Variants in TRAPPC9 observed in about 807,000 individuals in gnomAD.
TRAPPC9 encodes the protein IKK2 binding protein.
A neutral mutation model predicts 124.0 loss-of-function variants in TRAPPC9; 83 were observed. The ratio of observed to expected loss-of-function variants is 0.67; its 90% CI spans 0.56 to 0.80. The LOEUF is 0.80. Ranked by LOEUF, TRAPPC9 falls within the 30% of genes least tolerant of loss-of-function variation. The pLI, the probability that TRAPPC9 is intolerant of heterozygous loss-of-function variation, is 0.00. For synonymous variants in TRAPPC9, 638 were observed against 617.5 expected, an observed-to-expected ratio of 1.03 and a Z score of -0.49; for missense variants, 1,302 against 1,508.3, an observed-to-expected ratio of 0.86 and a Z score of 2.27.
At chr8:140,258,733 G>C (rs1451484623) in intron 15 of TRAPPC9, among the ~76,000 whole-genome samples, 1 of 152,234 alleles carries the variant, frequency 6.6e-6, no homozygotes, top group Admixed American at 6.5e-5. Flanking sequence ...GGATAGAATG[G>C]GATAAGAGAG....
chr8:140,324,945 G>C (rs2066698832), intron 9 of TRAPPC9, among the ~76,000 whole-genome samples: 2 of 151,704 alleles, frequency 1.3e-5, no homozygotes, highest in South Asian at 4.2e-4. Flanking sequence ...CACCAAGACA[G>C]ACCAAATGCC....
intron 17 of TRAPPC9, among the ~76,000 whole-genome samples, chr8:140,149,897 G>A (rs1208825099): frequency 2.6e-5 from 4 of 152,178 alleles, no homozygotes; most frequent in African/African-American, 7.2e-5. Flanking sequence ...ATGCATGTAC[G>A]TATGTCTAGG....
At chr8:140,248,165 T>C (rs1417038596) in intron 16 of TRAPPC9, among the ~76,000 whole-genome samples, 1 of 152,216 alleles carries the variant, frequency 6.6e-6, no homozygotes, top group Non-Finnish European at 1.5e-5. Context: ...CTACACACTG[T>C]ATTCTGTGTT....
intron 19 of TRAPPC9, among the ~76,000 whole-genome samples, chr8:139,986,768 T>G (rs1837261679): frequency 6.6e-6 from 1 of 152,204 alleles, no homozygotes; most frequent in Non-Finnish European, 1.5e-5. Flanking sequence ...TTGCCGAGTT[T>G]TGACGAATAG....
chr8:140,315,233 C>CTTTTT (rs61220260), intron 9 of TRAPPC9, among the ~76,000 whole-genome samples: 14 of 107,138 alleles, frequency 1.3e-4, no homozygotes, highest in East Asian at 5.7e-4. Context: ...ATTTGTATGT[C>CTTTTT]TTTTTTTTTT....
chr8:140,169,383 C>T (rs768828864), intron 17 of TRAPPC9, among the ~76,000 whole-genome samples: 18 of 152,158 alleles, frequency 1.2e-4, no homozygotes, highest in African/African-American at 2.9e-4. Flanking sequence ...GCTCCTCAAA[C>T]GGTTCAACAG....
intron 21 of TRAPPC9, among the ~76,000 whole-genome samples, chr8:139,782,417 A>C (rs955069659): frequency 2.6e-5 from 4 of 152,244 alleles, no homozygotes; most frequent in African/African-American, 9.6e-5. Flanking sequence ...ATACAAATGT[A>C]AAGAAGGTTA....
intron 19 of TRAPPC9, among the ~76,000 whole-genome samples, chr8:139,968,118 C>T (rs1237094266): frequency 1.3e-5 from 2 of 150,780 alleles, no homozygotes; most frequent in East Asian, 1.9e-4. Context: ...CACTGTACTC[C>T]AGCCTGGGCG....
chr8:139,910,153 C>T lies in TRAPPC9; in HGVS notation c.2958G>A (p.Trp986Ter). The T allele has an allele frequency of 1.9e-6, 3 of 1,614,192 alleles. No homozygotes were observed. Among genetic ancestry groups the T allele is most frequent in the Non-Finnish European group, 2.5e-6 (3 of 1,180,034 alleles). Reference sequence around the variant, plus strand: ...GGCCCCTGGAAAAGGATATGATTCTCCAGCAGATGCCCAGCTTGCTGTGGA... The same window carrying T: ...GGCCCCTGGAAAAGGATATGATTCTTCAGCAGATGCCCAGCTTGCTGTGGA... The part of the protein sequence containing the change: ...LEIHSKLGIC[W>*]RIPSLKRSGE... The change falls in exon 20 of 23, where the codon TGG becomes TGA. Residue 986 changes from tryptophan (W) to a stop codon, truncating the protein, a stop_gained. Coordinates refer to ENST00000438773, the MANE Select transcript of TRAPPC9 (RefSeq NM_001160372.4). LOFTEE classifies it high-confidence loss of function.
At chr8:139,892,023 G>A (rs900721439) in intron 20 of TRAPPC9, among the ~76,000 whole-genome samples, 1 of 152,204 alleles carries the variant, frequency 6.6e-6, no homozygotes, top group Non-Finnish European at 1.5e-5. Context: ...AACAATACCA[G>A]GCCCCGAATG....
At chr8:140,382,674 G>A (rs2068643408) in intron 7 of TRAPPC9, among the ~76,000 whole-genome samples, 1 of 152,128 alleles carries the variant, frequency 6.6e-6, no homozygotes, top group African/African-American at 2.4e-5. Context: ...GCTTGAACTG[G>A]GTGGAGCCCA....
chr8:140,156,840 C>CA (rs1292503040), intron 17 of TRAPPC9, among the ~76,000 whole-genome samples: 2 of 152,184 alleles, frequency 1.3e-5, no homozygotes, highest in South Asian at 2.1e-4. Flanking sequence ...GACAGAATGA[C>CA]AAAAATTTAA....
intron 17 of TRAPPC9, among the ~76,000 whole-genome samples, chr8:140,061,736 G>A (rs190777494): frequency 1.9e-4 from 29 of 152,326 alleles, no homozygotes; most frequent in East Asian, 9.6e-4. Flanking sequence ...AAGCCTGGAC[G>A]GAAGGGGGAG....
At chr8:140,038,976 G>T (rs1313193942) in intron 17 of TRAPPC9, among the ~76,000 whole-genome samples, 1 of 152,194 alleles carries the variant, frequency 6.6e-6, no homozygotes, top group African/African-American at 2.4e-5. Flanking sequence ...GCACAGAGCT[G>T]GGGAAGGAGC....
At chr8:139,994,783 G>A (rs761004220) in intron 18 of TRAPPC9, among the ~76,000 whole-genome samples, 5 of 152,092 alleles carry the variant, frequency 3.3e-5, no homozygotes, top group African/African-American at 4.8e-5. Context: ...TGGTCTTGGA[G>A]GACAGCTTTC....
intron 21 of TRAPPC9, among the ~76,000 whole-genome samples, chr8:139,798,536 T>G (rs961381989): frequency 6.6e-6 from 1 of 152,216 alleles, no homozygotes; most frequent in Middle Eastern, 3.2e-3. Context: ...CTTGCTTGTT[T>G]GGTTTTTTCA....
intron 17 of TRAPPC9, among the ~76,000 whole-genome samples, chr8:140,072,606 AGGAGG>A (rs1843248990): frequency 7.5e-6 from 1 of 133,954 alleles, no homozygotes; most frequent in Non-Finnish European, 1.6e-5. Flanking sequence ...GAGGAGGAGG[AGGAGG>A]AGGAGGAGGA....
intron 17 of TRAPPC9, among the ~76,000 whole-genome samples, chr8:140,072,114 T>C (rs1843192713): frequency 6.6e-6 from 1 of 152,198 alleles, no homozygotes; most frequent in Non-Finnish European, 1.5e-5. Context: ...GTGAAGAAAT[T>C]GTTCTGTATC....
chr8:140,089,754 C>G (rs1372923561), intron 17 of TRAPPC9, among the ~76,000 whole-genome samples: 1 of 152,082 alleles, frequency 6.6e-6, no homozygotes, highest in African/African-American at 2.4e-5. Context: ...GATGAGTAGG[C>G]TGGTAGACCT....
Sources: gnomAD v4.1 joint callset for allele counts (sites outside exome capture counted in the v4.1 genomes callset) on GRCh38, gnomAD v4.1.1 for gene constraint, MANE v1.5 for transcripts, NCBI Gene and HGNC (gene_info 2026-07-23, HGNC 2026-07-21) for gene names.